The following CDH2 variants were observed in gnomAD, a reference collection of about 807,000 sequenced individuals.
The protein encoded by CDH2 is cadherin 2.
A neutral mutation model predicts 92.0 loss-of-function variants in CDH2; 17 were observed. The observed-to-expected ratio is 0.18, with a 90% CI of 0.13 to 0.28. The LOEUF (loss-of-function observed/expected upper bound fraction) is 0.28. CDH2 is among the 10% of genes least tolerant of loss of function. The pLI, the probability that CDH2 is intolerant of heterozygous loss-of-function variation, is 1.00. For synonymous variants in CDH2, 419 were observed against 415.9 expected (o/e 1.01, Z -0.09); for missense variants, 862 against 1,133.1 (o/e 0.76, Z 3.44).
At position 28,147,803 on chromosome 18, in the gene CDH2, A is replaced by G. The variant is rs1203850506; in HGVS notation, c.61-19T>C. ...CAGACGCCTGCAACACAAGAAAAAAAAAAAAAATGTGTGCAATGATTGCTA... is the reference window on the plus strand; with the variant it reads ...CAGACGCCTGCAACACAAGAAAAAAGAAAAAAATGTGTGCAATGATTGCTA... On this transcript the variant is annotated intron_variant, in intron 1 of 15. Transcript: ENST00000269141. 7.1e-7 allele frequency: 1 copy of G among 1,414,932 alleles called. No individual in the cohort carries two copies. Among genetic ancestry groups the G allele is most frequent in the Non-Finnish European group, 9.8e-7 (1 of 1,017,474 alleles). The allele number at this position is 1,414,932 out of a possible 1,614,324, so 87.6% of individuals were successfully genotyped here.
intron 2 of CDH2, among the ~76,000 whole-genome samples, chr18:28,127,372 C>A (rs563196299): frequency 6.0e-4 from 92 of 152,244 alleles, no homozygotes; most frequent in African/African-American, 2.1e-3. Flanking sequence ...CTAATAATAG[C>A]AAATTTTCCA....
intron 6 of CDH2, among the ~76,000 whole-genome samples, chr18:27,945,215 C>T (rs964117163): frequency 2.0e-5 from 3 of 151,348 alleles, no homozygotes; most frequent in Admixed American, 6.6e-5. Flanking sequence ...AAGCAAGACC[C>T]GTAAGACTGA....
At chr18:28,030,499 AAAC>A (rs1056831237) in intron 2 of CDH2, among the ~76,000 whole-genome samples, 1 of 152,104 alleles carries the variant, frequency 6.6e-6, no homozygotes, top group Non-Finnish European at 1.5e-5. Flanking sequence ...AAAAACAAAC[AAAC>A]AACAACAACA....
downstream of CDH2, among the ~76,000 whole-genome samples, chr18:27,946,154 T>C (rs1313087778): frequency 4.6e-5 from 7 of 152,140 alleles, no homozygotes; most frequent in Admixed American, 4.6e-4. Flanking sequence ...GAAATGTTAA[T>C]AAATCCCTTT....
At chr18:27,937,667 G>A (rs1909049319) in intron 6 of CDH2, among the ~76,000 whole-genome samples, 1 of 152,084 alleles carries the variant, frequency 6.6e-6, no homozygotes, top group Non-Finnish European at 1.5e-5. Flanking sequence ...CCTGTGAGCT[G>A]CACAACACAA....
At chr18:27,996,975 A>C (rs764875317) in intron 7 of CDH2, among the ~76,000 whole-genome samples, 4 of 152,220 alleles carry the variant, frequency 2.6e-5, no homozygotes, top group Non-Finnish European at 4.4e-5. Flanking sequence ...TCCTCATACT[A>C]TGAGTCACTT....
Position 28,142,074 on chromosome 18 carries a change from T to C in CDH2, c.172+5599A>G, listed in dbSNP as rs564770523. ...TCACCATCTATCATTCAGTATATTT[T>C]ACTTATTTATTGAGTTTCTTTTCTA... On this transcript the variant is annotated intron_variant, in intron 2 of 15. Transcript: ENST00000269141. Among the ~76,000 whole-genome samples, 5 of 152,224 alleles carry C rather than the reference T, an allele frequency of 3.3e-5. No homozygotes were observed. In the South Asian group the frequency reaches 8.3e-4, roughly 25 times the overall value.
chr18:28,014,731 A>C (rs1300137586), intron 2 of CDH2, among the ~76,000 whole-genome samples: 1 of 138,748 alleles, frequency 7.2e-6, no homozygotes, highest in South Asian at 2.5e-4. Context: ...CTTCACACTT[A>C]AAAAAAAAAC....
At chr18:28,043,407 A>T (rs1356899251) in intron 2 of CDH2, among the ~76,000 whole-genome samples, 1 of 146,386 alleles carries the variant, frequency 6.8e-6, no homozygotes, top group Non-Finnish European at 1.5e-5. Flanking sequence ...CTACTAAAGA[A>T]CTTATCCATA....
At chr18:28,110,963 G>A (rs12454164) in intron 2 of CDH2, among the ~76,000 whole-genome samples, 32,466 of 152,034 alleles carry the variant, frequency 0.21, 4,185 homozygotes, top group Non-Finnish European at 0.3. Flanking sequence ...AGCTAAATGA[G>A]GTTAGCATGA....
intron 2 of CDH2, among the ~76,000 whole-genome samples, chr18:28,137,072 C>A (rs2015875298): frequency 6.6e-6 from 1 of 152,054 alleles, no homozygotes. Context: ...GGCATATAAA[C>A]AGCACAGAAT....
In CDH2 at chr18:28,003,999, C is replaced by G. The variant is rs17522485; in HGVS notation, c.848-830G>C. 6.3e-3 allele frequency among the ~76,000 whole-genome samples: 966 copies of G among 152,302 alleles called. 9 individuals carry two copies. The highest frequency in any genetic ancestry group is 0.021 in the African/African-American group (890 of 41,556). ...ACTCAAGTTCAGTTCTACCTTACAG[C>G]CTGTTTACATTGGGTATTCTCTCTC... On this transcript the variant is annotated intron_variant, in intron 6 of 15. Coordinates refer to ENST00000269141, the MANE Select transcript of CDH2 (RefSeq NM_001792.5).
At chr18:28,043,461 A>AAT (rs1158754890) in intron 2 of CDH2, among the ~76,000 whole-genome samples, 3,875 of 71,426 alleles carry the variant, frequency 0.054, 92 homozygotes, top group East Asian at 0.089. Context: ...GATATAAATA[A>AAT]ATATATATAT....
At chr18:28,134,751 A>C (rs1247480903) in intron 2 of CDH2, among the ~76,000 whole-genome samples, 2 of 152,128 alleles carry the variant, frequency 1.3e-5, no homozygotes, top group Non-Finnish European at 2.9e-5. Context: ...CACAACCAAA[A>C]CTTGAGAAGA....
intron 2 of CDH2, among the ~76,000 whole-genome samples, chr18:28,130,944 T>G (rs946570872): frequency 6.6e-6 from 1 of 152,182 alleles, no homozygotes; most frequent in East Asian, 1.9e-4. Flanking sequence ...AGACACCACA[T>G]GCATGGACAC....
At chr18:27,943,987 A>G (rs998401089) in intron 6 of CDH2, among the ~76,000 whole-genome samples, 6 of 152,154 alleles carry the variant, frequency 3.9e-5, no homozygotes, top group African/African-American at 1.4e-4. Context: ...TTTTTTAGAT[A>G]CCTAAAGATT....
intron 8 of CDH2, among the ~76,000 whole-genome samples, chr18:27,993,047 A>C (rs1567954019): frequency 6.6e-6 from 1 of 152,152 alleles, no homozygotes; most frequent in Non-Finnish European, 1.5e-5. Context: ...TTTTTTTCCA[A>C]ATTACCTTAC....
At chr18:28,073,446 T>G (rs1262765445) in intron 2 of CDH2, among the ~76,000 whole-genome samples, 1 of 152,168 alleles carries the variant, frequency 6.6e-6, no homozygotes, top group Non-Finnish European at 1.5e-5. Context: ...AAATTGTAAA[T>G]CAAACCTTGA....
chr18:28,078,855 T>C (rs890752763), intron 2 of CDH2, among the ~76,000 whole-genome samples: 2 of 152,164 alleles, frequency 1.3e-5, no homozygotes, highest in African/African-American at 2.4e-5. Flanking sequence ...GCATGCTTAT[T>C]TCACATTTGG....
Sources: gnomAD v4.1 joint callset for allele counts (sites outside exome capture counted in the v4.1 genomes callset) on GRCh38, gnomAD v4.1.1 for gene constraint, MANE v1.5 for transcripts, NCBI Gene and HGNC (gene_info 2026-07-23, HGNC 2026-07-21) for gene names.